TAOK1: variants seen among roughly 807,000 people sequenced by gnomAD.
TAOK1 encodes the protein TAO kinase 1.
A neutral mutation model predicts 138.3 loss-of-function variants in TAOK1; 21 were observed. That is an observed-to-expected ratio of 0.15 (90% CI 0.11 to 0.22). TAOK1 has a LOEUF of 0.22. Ranked by LOEUF, TAOK1 falls within the 10% of genes least tolerant of loss-of-function variation. The pLI, the probability that TAOK1 is intolerant of heterozygous loss-of-function variation, is 1.00. For missense variants in TAOK1, 651 were observed against 1,227.7 expected, an observed-to-expected ratio of 0.53 and a Z score of 7.02; for synonymous variants, 361 against 398.4, an observed-to-expected ratio of 0.91 and a Z score of 1.12.
In TAOK1 at chr17:29,457,095, T is replaced by C. The variant is rs533899007; in HGVS notation, c.132+5415T>C. 2.8e-3 allele frequency among the ~76,000 whole-genome samples: 243 copies of C among 88,262 alleles called. 2 individuals carry two copies. The highest frequency in any genetic ancestry group is 0.027 in the East Asian group (107 of 3,994). The allele number at this position is 88,262 out of a possible 152,430, so 57.9% of individuals were successfully genotyped here. ...CTTCTCTTTTTTTCTTTTTCTTTTTTTTTTTTTTTTTTTTTTGAGACAGAG... is the reference window on the plus strand; with the variant it reads ...CTTCTCTTTTTTTCTTTTTCTTTTTCTTTTTTTTTTTTTTTTGAGACAGAG... On this transcript the variant is annotated intron_variant, in intron 2 of 19. Transcript: ENST00000261716.
intron 1 of TAOK1, among the ~76,000 whole-genome samples, chr17:29,429,044 T>C (rs1241054146): frequency 6.6e-6 from 1 of 152,230 alleles, no homozygotes; most frequent in East Asian, 1.9e-4. Flanking sequence ...TATTTTTTTG[T>C]TTGAGGGTGC....
At chr17:29,522,221 C>T (rs1160060659) in intron 16 of TAOK1, 59 bp from the exon 17 acceptor site, 3 of 1,575,948 alleles carry the variant, frequency 1.9e-6, no homozygotes, top group Non-Finnish European at 2.6e-6. Context: ...TTAATTAGGA[C>T]TTTTTTCTGG....
chr17:29,465,837 CTTTTTTTTTTT>C (rs3058623), intron 2 of TAOK1, among the ~76,000 whole-genome samples: 929 of 45,466 alleles, frequency 0.02, 18 homozygotes, highest in Middle Eastern at 0.077. Flanking sequence ...AGTTTCTGTG[CTTTTTTTTTTT>C]TTTTTTTTTT....
rs566388826 is a variant in TAOK1 at position 29,452,653 on chromosome 17, C to A, written c.132+973C>A. Among the ~76,000 whole-genome samples the A allele has an allele frequency of 5.3e-5, 8 of 152,290 alleles. No individual in the cohort carries two copies. The South Asian group carries it at 1.4e-3, about 28-fold the overall frequency. On this transcript the variant is annotated intron_variant, in intron 2 of 19. Coordinates refer to ENST00000261716, the MANE Select transcript of TAOK1 (RefSeq NM_020791.4). The stretch of plus-strand genomic sequence containing the variant: ...AACTCCCATTTCACCCTCCACCCAG[C>A]CCCTGGTACCTGTAATCTCCCTTGG...
At chr17:29,469,671 G>A (rs2030765804) in intron 3 of TAOK1, among the ~76,000 whole-genome samples, 1 of 152,036 alleles carries the variant, frequency 6.6e-6, no homozygotes, top group Non-Finnish European at 1.5e-5. Context: ...TATTCCATTG[G>A]GTGTATGTAT....
At chr17:29,455,590 A>G (rs1035320738) in intron 2 of TAOK1, among the ~76,000 whole-genome samples, 3 of 150,618 alleles carry the variant, frequency 2.0e-5, no homozygotes, top group East Asian at 1.9e-4. Flanking sequence ...ACTATTGAGT[A>G]TGGTGTTAGC....
chr17:29,454,079 A>G (rs2030314000), intron 2 of TAOK1, among the ~76,000 whole-genome samples: 1 of 151,914 alleles, frequency 6.6e-6, no homozygotes, highest in African/African-American at 2.4e-5. Context: ...GCCTCACAAA[A>G]GTGCTGAGAT....
At chr17:29,457,755 A>G (rs1017520748) in intron 2 of TAOK1, among the ~76,000 whole-genome samples, 3 of 152,106 alleles carry the variant, frequency 2.0e-5, no homozygotes, top group South Asian at 4.1e-4. Context: ...GCAGAAACAT[A>G]TAAATAGTGT....
intron 1 of TAOK1, among the ~76,000 whole-genome samples, chr17:29,415,494 C>G (rs1905246782): frequency 6.6e-6 from 1 of 152,180 alleles, no homozygotes; most frequent in African/African-American, 2.4e-5. Context: ...TCTCCACATC[C>G]TCTCCAACAA....
rs551409337 is a variant in TAOK1, at chr17:29,544,886, A to G, written c.*1864A>G. The stretch of plus-strand genomic sequence containing the variant: ...TTTGCCTAGACCAAACTAATGACCA[A>G]ACAGTAATCAATCTATCACTGTTGA... On this transcript the variant is annotated 3_prime_UTR_variant, in exon 20 of 20. Coordinates refer to ENST00000261716, the MANE Select transcript of TAOK1 (RefSeq NM_020791.4). 3.9e-5 allele frequency: 6 copies of G among 152,304 alleles called. No homozygotes were observed. Among genetic ancestry groups the G allele is most frequent in the African/African-American group, 1.4e-4 (6 of 41,568 alleles). 9.4% of individuals were successfully genotyped at this position (152,304 alleles called of 1,614,324 possible). A position where few individuals can be genotyped will look rare whatever the true frequency, so the allele number is the denominator to read the frequency against.
chr17:29,456,899 A>C (rs2030391974), intron 2 of TAOK1, among the ~76,000 whole-genome samples: 1 of 148,198 alleles, frequency 6.7e-6, no homozygotes, highest in Non-Finnish European at 1.5e-5. Flanking sequence ...ACGCCTGGCT[A>C]ATTTTCTGTA....
chr17:29,518,969 G>A (rs1473033728), intron 16 of TAOK1, among the ~76,000 whole-genome samples: 1 of 152,006 alleles, frequency 6.6e-6, no homozygotes, highest in Non-Finnish European at 1.5e-5. Context: ...GTTTTGCCAT[G>A]TTGGCCTGGC....
At chr17:29,501,905 T>C (rs1321469148) in intron 12 of TAOK1, among the ~76,000 whole-genome samples, 1 of 151,996 alleles carries the variant, frequency 6.6e-6, no homozygotes. Context: ...GGCATGGTAG[T>C]GCATGCCTGT....
intron 1 of TAOK1, among the ~76,000 whole-genome samples, chr17:29,402,603 T>C (rs983109212): frequency 2.0e-5 from 3 of 152,094 alleles, no homozygotes; most frequent in Non-Finnish European, 2.9e-5. Flanking sequence ...CCATGCCTGG[T>C]TGAAAACTTT....
chr17:29,515,652 G>C (rs2031800959), intron 15 of TAOK1, among the ~76,000 whole-genome samples: 2 of 152,014 alleles, frequency 1.3e-5, no homozygotes, highest in Admixed American at 6.6e-5. Context: ...TGGCTAACAT[G>C]GTGAAATCTC....
chr17:29,428,706 C>T (rs1399133327), intron 1 of TAOK1, among the ~76,000 whole-genome samples: 1 of 152,032 alleles, frequency 6.6e-6, no homozygotes, highest in East Asian at 1.9e-4. Flanking sequence ...TAACTGCAGC[C>T]TCTACCTCCT....
chr17:29,542,512 G>T, intron 19 of TAOK1, 49 bp from the exon 20 acceptor site: 1 of 1,479,630 alleles, frequency 6.8e-7, no homozygotes, highest in Non-Finnish European at 9.1e-7. Context: ...TTTCTTTATA[G>T]ACTTAAAAAT....
chr17:29,398,966 T>C (rs990342581), intron 1 of TAOK1, among the ~76,000 whole-genome samples: 6 of 152,046 alleles, frequency 3.9e-5, no homozygotes, highest in Non-Finnish European at 8.8e-5. Context: ...TATAAATGTT[T>C]ATGAGTACAT....
chr17:29,475,560 A>C (rs2030926300), intron 3 of TAOK1, 110 bp from the exon 4 acceptor site: 1 of 729,354 alleles, frequency 1.4e-6, no homozygotes, highest in Non-Finnish European at 2.2e-6. Flanking sequence ...AAACCAAGCA[A>C]AGTTGCATGT....
Sources: allele counts gnomAD v4.1 joint callset (sites outside exome capture counted in the v4.1 genomes callset), GRCh38; gene constraint gnomAD v4.1.1; transcripts MANE v1.5; gene names NCBI Gene and HGNC (gene_info 2026-07-23, HGNC 2026-07-21).